Variants in MAP1A observed in about 807,000 individuals in gnomAD.
MAP1A encodes microtubule associated protein 1A.
Under a neutral mutation model 185.9 loss-of-function variants are expected in MAP1A, and 42 were observed. That is an observed-to-expected ratio of 0.23 (90% CI 0.18 to 0.29). The LOEUF (loss-of-function observed/expected upper bound fraction) is 0.29. MAP1A is among the 10% of genes least tolerant of loss of function. MAP1A has a pLI of 1.00. For missense variants in MAP1A, 2,995 were observed against 3,450.4 expected, an observed-to-expected ratio of 0.87 and a Z score of 3.31; for synonymous variants, 1,229 against 1,335.9, an observed-to-expected ratio of 0.92 and a Z score of 1.74.
Position 43,523,194 on chromosome 15 carries a change from A to G in MAP1A, c.1721A>G (p.Gln574Arg), listed in dbSNP as rs1375076832. Residue 574 changes from glutamine to arginine, a missense_variant, in exon 4 of 6, where the codon CAG becomes CGG. By Grantham distance (43) the Gln-to-Arg change is conservative. Coordinates refer to ENST00000300231, the MANE Select transcript of MAP1A (RefSeq NM_002373.6). ...AEEGPPSTAI[Q>R]GTPPSVPGLG... is the part of the protein sequence containing the mutation. ...GAGGGACCCCCAAGTACAGCTATCCAGGGAACACCACCCTCTGTTCCAGGG... is the reference window on the plus strand; with the variant it reads ...GAGGGACCCCCAAGTACAGCTATCCGGGGAACACCACCCTCTGTTCCAGGG... 1 of 1,614,172 alleles carries G rather than the reference A, an allele frequency of 6.2e-7. No individual in the cohort carries two copies. The highest frequency in any genetic ancestry group is 1.7e-5 in the Admixed American group (1 of 60,024).
chr15:43,527,203 C>A lies in MAP1A; in HGVS notation c.5730C>A (p.Arg1910=). The change falls in exon 4 of 6, where the codon CGC becomes CGA. Residue 1910 remains arginine, a synonymous_variant. Transcript: ENST00000300231. ...ACTCCCCCCTGGGGAAGGACTACCG[C>A]AAGGCTGAAGGGGAAAGGGAAGAAG... ...GPYSPLGKDY[R]KAEGEREEEG... 6.2e-7 allele frequency: 1 copy of A among 1,614,066 alleles called. No individual in the cohort carries two copies. Among genetic ancestry groups the A allele is most frequent in the East Asian group, 2.2e-5 (1 of 44,866 alleles).
chr15:43,528,615 AGGCTGC>A lies in MAP1A; in HGVS notation c.7147_7152del (p.Ala2383_Ala2384del). 1 of 1,613,974 alleles carries A rather than the reference AGGCTGC, an allele frequency of 6.2e-7. No individual in the cohort carries two copies. Among genetic ancestry groups the A allele is most frequent in the Non-Finnish European group, 8.5e-7 (1 of 1,179,988 alleles). ...GCCCCAGCCAAGGCTGAAAATGAAG[AGGCTGC>A]GGCTTGCCCTGCCTGGGAACGTGGG... On this transcript the variant is annotated inframe_deletion, in exon 4 of 6. Transcript: ENST00000300231.
Position 43,523,744 on chromosome 15 carries a change from T to A in MAP1A, c.2271T>A (p.Asp757Glu), listed in dbSNP as rs1278327038. 2 of 1,613,970 alleles carry A rather than the reference T, an allele frequency of 1.2e-6. No individual in the cohort carries two copies. Among genetic ancestry groups the A allele is most frequent in the Admixed American group, 3.3e-5 (2 of 60,002 alleles). ...EQTISDEEIH[D>E]EPEERPAPPR... is the part of the protein sequence containing the mutation. Reference sequence around the variant, plus strand: ...CCATCTCAGATGAGGAGATCCATGATGAGCCGGAGGAGCGCCCAGCTCCAC... The same window carrying A: ...CCATCTCAGATGAGGAGATCCATGAAGAGCCGGAGGAGCGCCCAGCTCCAC... The change falls in exon 4 of 6, where the codon GAT becomes GAA. Residue 757 changes from aspartate to glutamate, a missense_variant. Physicochemically the swap from Asp to Glu is conservative, Grantham distance 45. Transcript: ENST00000300231.
chr15:43,521,039 C>A lies in MAP1A; in HGVS notation c.-224C>A, dbSNP rs2079317256. ...ATCTTGAGTGGGCAAAGTTTAGAGC[C>A]TGGGGGAGACCTCATCCTACAGAGT... is the stretch of plus-strand genomic sequence containing the variant. On this transcript the variant is annotated 5_prime_UTR_variant, in exon 3 of 6. The change creates a new upstream start codon in the 5' untranslated region. Transcript: ENST00000300231. This position sits in a 1 kb window ranked among gnomAD's most constrained non-coding sequence, Gnocchi z 4.6. 3 of 1,550,142 alleles carry A rather than the reference C, an allele frequency of 1.9e-6. No individual in the cohort carries two copies. The highest frequency in any genetic ancestry group is 2.0e-5 in the Admixed American group (1 of 50,970).
In MAP1A at chr15:43,521,167, G is replaced by T. The variant is rs2079317780; in HGVS notation, c.-151+55G>T. 16 of 1,506,844 alleles carry T rather than the reference G, an allele frequency of 1.1e-5. No homozygotes were observed. Among genetic ancestry groups the T allele is most frequent in the Non-Finnish European group, 1.3e-5 (15 of 1,130,986 alleles). 93.3% of individuals were successfully genotyped at this position (1,506,844 alleles called of 1,614,324 possible). On this transcript the variant is annotated intron_variant, in intron 3 of 5. Coordinates refer to ENST00000300231, the MANE Select transcript of MAP1A (RefSeq NM_002373.6). This position sits in a 1 kb window ranked among gnomAD's most constrained non-coding sequence, Gnocchi z 4.6. ...AAGGGTAGCACTAGAGCTGTGGGAG[G>T]GATCTAAGGGAAAGTCTCATATTGC...
rs752455669 is a variant in MAP1A at position 43,522,950 on chromosome 15, C to T, written c.1477C>T (p.Arg493Cys). 14 of 1,613,976 alleles carry T rather than the reference C, an allele frequency of 8.7e-6. No individual in the cohort carries two copies. Among genetic ancestry groups the T allele is most frequent in the South Asian group, 3.3e-5 (3 of 91,088 alleles). The change falls in exon 4 of 6, where the codon CGT (arginine) becomes TGT (cysteine). Residue 493 changes from arginine (R) to cysteine (C), a missense_variant. This residue lies in a region of MAP1A where 2,728 missense variants were observed against 2,986.0 expected (regional missense o/e 0.91). Coordinates refer to ENST00000300231, the MANE Select transcript of MAP1A (RefSeq NM_002373.6). This position sits in a 1 kb window ranked among gnomAD's most constrained non-coding sequence, Gnocchi z 5.9. ...RVKIDRSRAI[R>C]GEKELSSEPQ... ...CAAAATAGACAGGAGCCGTGCTATCCGTGGGGAGAAGGAGCTGTCTTCTGA... is the reference window on the plus strand; with the variant it reads ...CAAAATAGACAGGAGCCGTGCTATCTGTGGGGAGAAGGAGCTGTCTTCTGA...
chr15:43,529,163 C>T lies in MAP1A; in HGVS notation c.7690C>T (p.Pro2564Ser). Residue 2564 changes from proline to serine, a missense_variant, in exon 4 of 6, where the codon CCA becomes TCA. Pro to Ser is a moderately conservative substitution (Grantham distance 74). This residue lies in a region of MAP1A where 2,728 missense variants were observed against 2,986.0 expected (regional missense o/e 0.91). Transcript: ENST00000300231. The surrounding 1 kb of genome is among the most constrained non-coding windows in gnomAD (Gnocchi z 4.3). ...PRPGHDPPPL[P>S]QPDPRPSPPR... ...GCCTGGCCATGACCCACCTCCTCTC[C>T]CACAGCCAGACCCCCGCCCATCCCC... The T allele has an allele frequency of 6.2e-7, 1 of 1,612,972 alleles. No homozygotes were observed.
Position 43,526,225 on chromosome 15 carries a change from A to G in MAP1A, c.4752A>G (p.Leu1584=), listed in dbSNP as rs202001920. ...ACCAAACTCAGGAGCAGGAGAGCCT[A>G]GTGCAGGAGGATAAAACCAGGAAAC... ...ENHQTQEQES[L]VQEDKTRKPK... The change falls in exon 4 of 6, where the codon CTA becomes CTG. Residue 1584 remains leucine, a synonymous_variant. Transcript: ENST00000300231. The surrounding 1 kb of genome is among the most constrained non-coding windows in gnomAD (Gnocchi z 4.7). The G allele has an allele frequency of 8.4e-4, 1,362 of 1,614,072 alleles. 1 individual carries two copies. Among genetic ancestry groups the G allele is most frequent in the Middle Eastern group, 2.1e-3 (13 of 6,062 alleles).
In MAP1A at chr15:43,525,350, T is replaced by G. The variant is rs746276467; in HGVS notation, c.3877T>G (p.Phe1293Val). ...TGACAGGAAGTCACCTGCCAGCTCA[T>G]TCTCTCACTCTACACCTTCAGGAAA... ...SLDRKSPASS[F>V]SHSTPSGNGK... Residue 1293 changes from phenylalanine (F) to valine (V), a missense_variant, in exon 4 of 6, where the codon TTC becomes GTC. By Grantham distance (50) the Phe-to-Val change is conservative. Transcript: ENST00000300231. 5.0e-6 allele frequency: 8 copies of G among 1,613,974 alleles called. No homozygotes were observed. The Middle Eastern group carries it at 4.9e-4, about 100-fold the overall frequency.
chr15:43,515,415 G>C (rs1036271900), upstream of MAP1A, among the ~76,000 whole-genome samples: 1 of 152,154 alleles, frequency 6.6e-6, no homozygotes, highest in African/African-American at 2.4e-5. Context: ...GACATGAATA[G>C]GACTTCAAAT....
rs1566979676 is a variant in MAP1A, at chr15:43,529,383, C to T, written c.7910C>T (p.Ala2637Val). ...TCACCCACCCCTGGTAAAGGGCCTG[C>T]AGATCGAGCATCCCGGGCCCCACCT... ...KRSPTPGKGPADRASRAPPRP... is the reference protein window; with the variant it reads ...KRSPTPGKGPVDRASRAPPRP... The change falls in exon 4 of 6, where the codon GCA (alanine) becomes GTA (valine). Residue 2637 changes from alanine (A) to valine (V), a missense_variant. This residue lies in a region of MAP1A where 2,728 missense variants were observed against 2,986.0 expected (regional missense o/e 0.91). Coordinates refer to ENST00000300231, the MANE Select transcript of MAP1A (RefSeq NM_002373.6). The surrounding 1 kb of genome is among the most constrained non-coding windows in gnomAD (Gnocchi z 4.3). 1 of 1,613,950 alleles carries T rather than the reference C, an allele frequency of 6.2e-7. No individual in the cohort carries two copies. Among genetic ancestry groups the T allele is most frequent in the South Asian group, 1.1e-5 (1 of 91,090 alleles).
At chr15:43,516,996 G>A (rs1325682282), upstream of MAP1A, among the ~76,000 whole-genome samples, 1 of 152,172 alleles carries the variant, frequency 6.6e-6, no homozygotes, top group Non-Finnish European at 1.5e-5. Flanking sequence ...GGGTCCCTGT[G>A]CCCCACCCCA....
rs900641295 is a variant in MAP1A, at chr15:43,517,611, C to G, written c.-464C>G. 3.5e-6 allele frequency: 3 copies of G among 855,672 alleles called. No individual in the cohort carries two copies. Among genetic ancestry groups the G allele is most frequent in the Admixed American group, 6.3e-5 (1 of 15,938 alleles). 53.0% of individuals were successfully genotyped at this position (855,672 alleles called of 1,614,324 possible). On this transcript the variant is annotated 5_prime_UTR_variant, in exon 1 of 6. Transcript: ENST00000300231. Reference sequence around the variant, plus strand: ...TCCCCCCCCCACCGCCCGCCCCACTCCCACCCTAAGTGCTGCAGACTCTTC... The same window carrying G: ...TCCCCCCCCCACCGCCCGCCCCACTGCCACCCTAAGTGCTGCAGACTCTTC...
At chr15:43,511,408 C>T (rs780104565) in intron 1 of MAP1A, among the ~76,000 whole-genome samples, 1 of 152,234 alleles carries the variant, frequency 6.6e-6, no homozygotes, top group Non-Finnish European at 1.5e-5. Context: ...ACTAACATCT[C>T]GCTTGCCCAT....
intron 1 of MAP1A, among the ~76,000 whole-genome samples, chr15:43,517,934 G>A (rs747581295): frequency 8.5e-5 from 13 of 152,206 alleles, no homozygotes; most frequent in Non-Finnish European, 1.3e-4. Flanking sequence ...CCAGCTGGGC[G>A]GGGATGGGAG....
chr15:43,518,838 G>T (rs2079309060), intron 1 of MAP1A, among the ~76,000 whole-genome samples: 1 of 151,990 alleles, frequency 6.6e-6, no homozygotes, highest in Admixed American at 6.6e-5. Context: ...AGAAGAAACG[G>T]CTTTCTCCCA....
rs1261614366 is a variant in MAP1A, at chr15:43,525,151, G to T, written c.3678G>T (p.Gln1226His). The stretch of plus-strand genomic sequence containing the variant: ...CTCCAGAAAGCCTTGGCACCCTCCA[G>T]TTTGGGGAACTAAACCTTGGGAAGG... ...QLSPESLGTL[Q>H]FGELNLGKEE... The change falls in exon 4 of 6, where the codon CAG becomes CAT. Residue 1226 changes from glutamine to histidine, a missense_variant. By Grantham distance (24) the Gln-to-His change is conservative. This residue lies in a region of MAP1A where 2,728 missense variants were observed against 2,986.0 expected (regional missense o/e 0.91). Transcript: ENST00000300231. The T allele has an allele frequency of 6.2e-7, 1 of 1,614,068 alleles. No individual in the cohort carries two copies. Among genetic ancestry groups the T allele is most frequent in the Non-Finnish European group, 8.5e-7 (1 of 1,180,032 alleles).
At chr15:43,516,148 T>C (rs1378801586), upstream of MAP1A, among the ~76,000 whole-genome samples, 1 of 151,886 alleles carries the variant, frequency 6.6e-6, no homozygotes, top group African/African-American at 2.4e-5. Flanking sequence ...AGAAGAGGGG[T>C]ATTTCCCTTT....
chr15:43,521,649 A>G lies in MAP1A; in HGVS notation c.176A>G (p.Asn59Ser). The G allele has an allele frequency of 6.2e-7, 1 of 1,614,022 alleles. No homozygotes were observed. The highest frequency in any genetic ancestry group is 8.5e-7 in the Non-Finnish European group (1 of 1,180,002). ...GCCCTCTTTGCTGTCAATGGTTTCAACATCCTGGTGGATGGTGGCTCTGAT... is the reference window on the plus strand; with the variant it reads ...GCCCTCTTTGCTGTCAATGGTTTCAGCATCCTGGTGGATGGTGGCTCTGAT... ...DSALFAVNGF[N>S]ILVDGGSDRK... is the part of the protein sequence containing the mutation. The change falls in exon 4 of 6, where the codon AAC becomes AGC. Residue 59 changes from asparagine to serine, a missense_variant. Asn to Ser is a conservative substitution (Grantham distance 46). Transcript: ENST00000300231. This position sits in a 1 kb window ranked among gnomAD's most constrained non-coding sequence, Gnocchi z 4.6.
Sources: allele counts gnomAD v4.1 joint callset (sites outside exome capture counted in the v4.1 genomes callset), GRCh38; gene constraint gnomAD v4.1.1; regional missense constraint gnomAD v4.1.1; non-coding constraint Gnocchi (gnomAD v3.1); transcripts MANE v1.5; gene names NCBI Gene and HGNC (gene_info 2026-07-23, HGNC 2026-07-21).